The following SPOCK1 variants were observed in gnomAD, a reference collection of about 807,000 sequenced individuals.
The protein encoded by SPOCK1 is testican-1.
A neutral mutation model predicts 55.3 loss-of-function variants in SPOCK1; 23 were observed. The ratio of observed to expected loss-of-function variants is 0.42; its 90% CI spans 0.30 to 0.59. The LOEUF (loss-of-function observed/expected upper bound fraction) is 0.59. Ranked by LOEUF, SPOCK1 falls within the 20% of genes least tolerant of loss-of-function variation. SPOCK1 has a pLI of 0.22. For synonymous variants in SPOCK1, 226 were observed against 221.0 expected (o/e 1.02, Z -0.20); for missense variants, 499 against 552.5 (o/e 0.90, Z 0.97).
chr5:137,208,655 G>C (rs1233284047), intron 3 of SPOCK1, among the ~76,000 whole-genome samples: 1 of 152,168 alleles, frequency 6.6e-6, no homozygotes, highest in Non-Finnish European at 1.5e-5. Context: ...GGGCTAAACA[G>C]TGGGTACTCA....
intron 2 of SPOCK1, among the ~76,000 whole-genome samples, chr5:137,297,073 AAT>A (rs1757503708): frequency 6.6e-6 from 1 of 152,238 alleles, no homozygotes; most frequent in Non-Finnish European, 1.5e-5. Flanking sequence ...ATATAAACAT[AAT>A]ATGTATGTAT....
At chr5:137,117,779 G>A (rs549939171) in intron 4 of SPOCK1, among the ~76,000 whole-genome samples, 238 of 152,204 alleles carry the variant, frequency 1.6e-3, no homozygotes, top group Non-Finnish European at 2.0e-3. Flanking sequence ...AGAAGTGGGT[G>A]GAGGGAGCTC....
intron 9 of SPOCK1, among the ~76,000 whole-genome samples, chr5:136,980,906 T>A (rs74866592): frequency 6.6e-6 from 1 of 152,234 alleles, no homozygotes; most frequent in Non-Finnish European, 1.5e-5. Flanking sequence ...TTTTGAGGGA[T>A]GAAAGTAGCA....
chr5:137,017,180 G>T (rs148153156), intron 6 of SPOCK1, among the ~76,000 whole-genome samples: 10 of 152,364 alleles, frequency 6.6e-5, no homozygotes, highest in Non-Finnish European at 1.3e-4. Flanking sequence ...CTCAGCCACA[G>T]GAGGCAGCAC....
At chr5:137,486,521 T>C (rs547197710) in intron 2 of SPOCK1, among the ~76,000 whole-genome samples, 2 of 152,364 alleles carry the variant, frequency 1.3e-5, no homozygotes, top group Admixed American at 1.3e-4. Context: ...TCCCCTCTGC[T>C]ACATCCTAAG....
intron 2 of SPOCK1, among the ~76,000 whole-genome samples, chr5:137,295,814 G>T (rs1307464079): frequency 6.6e-6 from 1 of 152,030 alleles, no homozygotes; most frequent in Non-Finnish European, 1.5e-5. Flanking sequence ...AAATACACAT[G>T]GCATACTACT....
chr5:137,351,486 A>G (rs967494975), intron 2 of SPOCK1, among the ~76,000 whole-genome samples: 2 of 152,204 alleles, frequency 1.3e-5, no homozygotes, highest in Non-Finnish European at 2.9e-5. Context: ...CCTCCTGACA[A>G]GGAGGGGAAT....
intron 10 of SPOCK1, 108 bp from the exon 11 acceptor site, chr5:136,978,952 T>C (rs955853322): frequency 1.6e-6 from 2 of 1,230,238 alleles, no homozygotes; most frequent in Non-Finnish European, 2.2e-6. Context: ...GTTTACTTTC[T>C]GAAAACAGAA....
chr5:137,286,475 T>C (rs1757267932), intron 2 of SPOCK1, among the ~76,000 whole-genome samples: 1 of 152,176 alleles, frequency 6.6e-6, no homozygotes. Flanking sequence ...CCATCTGCAC[T>C]GCACACAGTA....
At chr5:137,104,347 C>G (rs1313132762) in intron 5 of SPOCK1, among the ~76,000 whole-genome samples, 1 of 152,220 alleles carries the variant, frequency 6.6e-6, no homozygotes, top group African/African-American at 2.4e-5. Flanking sequence ...TCCCCAGAAG[C>G]AGAAGCTTGT....
intron 2 of SPOCK1, among the ~76,000 whole-genome samples, chr5:137,290,754 G>C (rs764484040): frequency 2.0e-5 from 3 of 152,186 alleles, no homozygotes; most frequent in African/African-American, 4.8e-5. Context: ...TCATATGGCA[G>C]AACGGACAGG....
At chr5:137,256,083 A>G (rs1165813417) in intron 3 of SPOCK1, among the ~76,000 whole-genome samples, 1 of 152,196 alleles carries the variant, frequency 6.6e-6, no homozygotes, top group South Asian at 2.1e-4. Context: ...TCTTGAGATC[A>G]CATGGGTTCC....
In SPOCK1 at chr5:137,172,551, G is replaced by A. The variant is rs556285285; in HGVS notation, c.233-31857C>T. Among the ~76,000 whole-genome samples the A allele has an allele frequency of 2.0e-5, 3 of 152,298 alleles. No homozygotes were observed. The South Asian group carries it at 6.2e-4, about 32-fold the overall frequency. On this transcript the variant is annotated intron_variant, in intron 3 of 10. Transcript: ENST00000394945. ...TTTAATAAAGCAATTGAAGGGATGA[G>A]TCTATTTTATTTTTCCACCTTCCCA...
chr5:137,455,358 G>A (rs998587373), intron 2 of SPOCK1, among the ~76,000 whole-genome samples: 2 of 152,146 alleles, frequency 1.3e-5, no homozygotes, highest in African/African-American at 2.4e-5. Flanking sequence ...TTTACAGACG[G>A]TTTTGTTTCC....
At chr5:137,202,273 T>A (rs1319284960) in intron 3 of SPOCK1, among the ~76,000 whole-genome samples, 1 of 152,162 alleles carries the variant, frequency 6.6e-6, no homozygotes, top group East Asian at 1.9e-4. Flanking sequence ...AAAGAAGTCA[T>A]GGGGGAAGGT....
intron 3 of SPOCK1, among the ~76,000 whole-genome samples, chr5:137,150,609 A>G (rs1754300454): frequency 6.6e-6 from 1 of 152,080 alleles, no homozygotes; most frequent in Non-Finnish European, 1.5e-5. Context: ...TGTTGATCCA[A>G]GCAGACAAGG....
At chr5:137,145,828 C>T (rs1438650351) in intron 3 of SPOCK1, among the ~76,000 whole-genome samples, 1 of 152,180 alleles carries the variant, frequency 6.6e-6, no homozygotes, top group Non-Finnish European at 1.5e-5. Flanking sequence ...AGGAAGAACA[C>T]TCCAGATAAC....
chr5:137,013,575 A>G (rs1298000122), intron 6 of SPOCK1, among the ~76,000 whole-genome samples: 1 of 152,170 alleles, frequency 6.6e-6, no homozygotes, highest in African/African-American at 2.4e-5. Flanking sequence ...AACATTTTTT[A>G]TTCATATCTA....
intron 5 of SPOCK1, among the ~76,000 whole-genome samples, chr5:137,068,430 T>C (rs1752550128): frequency 6.6e-6 from 1 of 152,248 alleles, no homozygotes; most frequent in African/African-American, 2.4e-5. Flanking sequence ...AGCTTGTGAC[T>C]CCGTGGAAAT....
Sources: gnomAD v4.1 joint callset for allele counts (sites outside exome capture counted in the v4.1 genomes callset) on GRCh38, gnomAD v4.1.1 for gene constraint, MANE v1.5 for transcripts, NCBI Gene and HGNC (gene_info 2026-07-23, HGNC 2026-07-21) for gene names.